The following PRKN variants were observed in gnomAD, a reference collection of about 807,000 sequenced individuals.
PRKN encodes E3 ubiquitin-protein ligase parkin.
In PRKN, 56 loss-of-function variants were observed where a neutral mutation model predicts 59.5. That is an observed-to-expected ratio of 0.94 (90% CI 0.76 to 1.18). The LOEUF (loss-of-function observed/expected upper bound fraction) is 1.18, where lower values mean the gene tolerates loss of function less well. PRKN is among the 50% of genes most tolerant of loss of function. The probability of loss-of-function intolerance (pLI) is 0.00; values close to 1 mark genes in which losing one functional copy is unlikely to be tolerated. For synonymous variants in PRKN, 250 were observed against 222.1 expected (o/e 1.13, Z -1.12); for missense variants, 657 against 596.4 (o/e 1.10, Z -1.06).
At chr6:161,537,065 C>T (rs374968341) in intron 9 of PRKN, among the ~76,000 whole-genome samples, 2 of 152,204 alleles carry the variant, frequency 1.3e-5, no homozygotes, top group East Asian at 1.9e-4. Context: ...CAATACAATA[C>T]TGCTTATACA....
intron 1 of PRKN, among the ~76,000 whole-genome samples, chr6:162,493,054 T>C (rs1792892640): frequency 6.6e-6 from 1 of 151,986 alleles, no homozygotes; most frequent in African/African-American, 2.4e-5. Flanking sequence ...ATGGTGCTCA[T>C]GCAGAAGACA....
intron 1 of PRKN, among the ~76,000 whole-genome samples, chr6:162,584,656 G>C (rs539017689): frequency 6.6e-6 from 1 of 152,198 alleles, no homozygotes; most frequent in African/African-American, 2.4e-5. Flanking sequence ...ACAATGAATT[G>C]TGGGCATATC....
intron 1 of PRKN, among the ~76,000 whole-genome samples, chr6:162,478,246 G>T (rs1055331174): frequency 1.3e-5 from 2 of 152,142 alleles, no homozygotes; most frequent in Non-Finnish European, 2.9e-5. Context: ...TCAGGCTGCG[G>T]CTCAGAGTTC....
chr6:161,856,273 T>A (rs1793646853), intron 6 of PRKN, among the ~76,000 whole-genome samples: 1 of 152,070 alleles, frequency 6.6e-6, no homozygotes, highest in East Asian at 1.9e-4. Context: ...GGCAGGAGAA[T>A]CATTTGAACC....
intron 6 of PRKN, 91 bp from the exon 7 acceptor site, chr6:161,785,999 T>C: frequency 2.4e-6 from 3 of 1,273,992 alleles, no homozygotes; most frequent in Middle Eastern, 2.3e-4. Context: ...TCCTGGAGGG[T>C]TGTGTAGACT....
intron 9 of PRKN, among the ~76,000 whole-genome samples, chr6:161,431,599 CT>C (rs2115053805): frequency 6.6e-6 from 1 of 151,406 alleles, no homozygotes; most frequent in South Asian, 2.1e-4. Flanking sequence ...TTCTTTCTTT[CT>C]TTTCTTTTCT....
chr6:162,584,990 T>C (rs564049204), intron 1 of PRKN, among the ~76,000 whole-genome samples: 596 of 148,806 alleles, frequency 4.0e-3, no homozygotes, highest in Admixed American at 7.6e-3. Flanking sequence ...AACCTCCACC[T>C]CCTGGGTTCA....
chr6:162,280,267 C>T (rs1780830372), intron 2 of PRKN, among the ~76,000 whole-genome samples: 1 of 152,108 alleles, frequency 6.6e-6, no homozygotes, highest in Non-Finnish European at 1.5e-5. Context: ...ACTGAACAAC[C>T]TGCTCCTGAA....
chr6:162,558,714 T>C (rs977367066), intron 1 of PRKN, among the ~76,000 whole-genome samples: 25 of 151,540 alleles, frequency 1.6e-4, no homozygotes, highest in African/African-American at 5.8e-4. Flanking sequence ...TCTTAGCCCA[T>C]CACAGTCTCT....
chr6:161,438,383 AT>A (rs1429920938), intron 9 of PRKN, among the ~76,000 whole-genome samples: 1 of 151,766 alleles, frequency 6.6e-6, no homozygotes, highest in Admixed American at 6.6e-5. Context: ...ACGCCCAGCT[AT>A]TTTTTGTATT....
intron 4 of PRKN, among the ~76,000 whole-genome samples, chr6:162,090,921 C>T (rs183982848): frequency 6.6e-6 from 1 of 152,224 alleles, no homozygotes; most frequent in African/African-American, 2.4e-5. Context: ...AATTCGTGGC[C>T]ACAAAAGTGC....
intron 2 of PRKN, among the ~76,000 whole-genome samples, chr6:162,362,634 A>G (rs919883929): frequency 7.2e-5 from 11 of 152,142 alleles, no homozygotes; most frequent in Non-Finnish European, 1.0e-4. Flanking sequence ...CTAACATGGG[A>G]GACATTGTAA....
chr6:162,193,226 C>T (rs1336378306), intron 4 of PRKN, among the ~76,000 whole-genome samples: 1 of 152,168 alleles, frequency 6.6e-6, no homozygotes, highest in Non-Finnish European at 1.5e-5. Flanking sequence ...TAAATAAAAT[C>T]TTAATTCTAA....
chr6:162,526,836 C>A (rs1479085154), intron 1 of PRKN, among the ~76,000 whole-genome samples: 1 of 152,110 alleles, frequency 6.6e-6, no homozygotes, highest in Non-Finnish European at 1.5e-5. Flanking sequence ...AAAAGTCTAT[C>A]AAAGTGTACC....
At position 161,995,875 on chromosome 6, in the gene PRKN, C is replaced by T. The variant is rs139103004; in HGVS notation, c.619-22458G>A. Among the ~76,000 whole-genome samples, 969 of 152,250 alleles carry T rather than the reference C, an allele frequency of 6.4e-3. 5 individuals carry two copies. Among genetic ancestry groups the T allele is most frequent in the Non-Finnish European group, 0.011 (722 of 68,018 alleles). ...TCCAAAAACTAAAAGCACAAGGTGG[C>T]TTACGCCTGTAATCCCAGCACTTTG... On this transcript the variant is annotated intron_variant, in intron 5 of 11. Coordinates refer to ENST00000366898, the MANE Select transcript of PRKN (RefSeq NM_004562.3).
At chr6:162,398,290 G>T (rs1787576571) in intron 2 of PRKN, among the ~76,000 whole-genome samples, 2 of 151,906 alleles carry the variant, frequency 1.3e-5, no homozygotes, top group African/African-American at 4.8e-5. Context: ...TTTTTCCACA[G>T]TTATTATCAT....
chr6:162,545,407 C>T (rs1226504148), intron 1 of PRKN, among the ~76,000 whole-genome samples: 1 of 152,138 alleles, frequency 6.6e-6, no homozygotes, highest in South Asian at 2.1e-4. Context: ...GCCAGAATTA[C>T]ACAGAAATTT....
intron 2 of PRKN, among the ~76,000 whole-genome samples, chr6:162,272,217 A>G (rs1483753961): frequency 6.6e-6 from 1 of 152,158 alleles, no homozygotes; most frequent in African/African-American, 2.4e-5. Flanking sequence ...TTGAGCATGT[A>G]GGGTCGGGAT....
chr6:162,555,939 C>T (rs1048536170), intron 1 of PRKN, among the ~76,000 whole-genome samples: 77 of 139,368 alleles, frequency 5.5e-4, no homozygotes, highest in Middle Eastern at 4.1e-3. Context: ...TGCGGTGTGC[C>T]GAAATGGCTC....
Sources: allele counts gnomAD v4.1 joint callset (sites outside exome capture counted in the v4.1 genomes callset), GRCh38; gene constraint gnomAD v4.1.1; transcripts MANE v1.5; gene names NCBI Gene and HGNC (gene_info 2026-07-23, HGNC 2026-07-21).